Variants in HHIP observed in about 807,000 individuals in gnomAD.
The protein encoded by HHIP is hedgehog interacting protein, also known as hedgehog-interacting protein.
In HHIP, 12 loss-of-function variants were observed where a neutral mutation model predicts 74.0. The ratio of observed to expected loss-of-function variants is 0.16; its 90% CI spans 0.10 to 0.26. The LOEUF is 0.26. Ranked by LOEUF, HHIP falls within the 10% of genes least tolerant of loss-of-function variation. HHIP has a pLI of 1.00. For synonymous variants in HHIP, 309 were observed against 311.6 expected, an observed-to-expected ratio of 0.99 and a Z score of 0.09; for missense variants, 788 against 845.0, an observed-to-expected ratio of 0.93 and a Z score of 0.84.
chr4:144,702,800 A>C (rs1388636391), intron 4 of HHIP, among the ~76,000 whole-genome samples: 1 of 152,184 alleles, frequency 6.6e-6, no homozygotes, highest in East Asian at 1.9e-4. Flanking sequence ...TCCCAGAAGC[A>C]CAATATACAA....
intron 4 of HHIP, among the ~76,000 whole-genome samples, chr4:144,694,921 T>C (rs1198558644): frequency 6.6e-6 from 1 of 151,838 alleles, no homozygotes; most frequent in Non-Finnish European, 1.5e-5. Flanking sequence ...AATTAACTTT[T>C]GTTTTTATAA....
At chr4:144,684,056 C>T (rs987092640) in intron 4 of HHIP, among the ~76,000 whole-genome samples, 3 of 121,408 alleles carry the variant, frequency 2.5e-5, no homozygotes, top group Non-Finnish European at 3.9e-5. Context: ...GAGTGAGACT[C>T]CGTCTAAAAA....
chr4:144,722,565 C>G (rs182873443), intron 11 of HHIP, among the ~76,000 whole-genome samples: 16 of 152,196 alleles, frequency 1.1e-4, no homozygotes, highest in Admixed American at 5.2e-4. Flanking sequence ...TAAGAATGCT[C>G]AGTAGAGCCA....
intron 4 of HHIP, among the ~76,000 whole-genome samples, chr4:144,662,826 T>G (rs1417319310): frequency 6.6e-6 from 1 of 152,202 alleles, no homozygotes; most frequent in Non-Finnish European, 1.5e-5. Flanking sequence ...ACTGGGTGAT[T>G]TGAAATCTTT....
chr4:144,675,430 A>G (rs901757910), intron 4 of HHIP, among the ~76,000 whole-genome samples: 1 of 152,026 alleles, frequency 6.6e-6, no homozygotes, highest in African/African-American at 2.4e-5. Flanking sequence ...ATACAATGAA[A>G]TTATCAAACA....
intron 1 of HHIP, among the ~76,000 whole-genome samples, chr4:144,647,949 TG>T (rs1335065439): frequency 1.3e-5 from 2 of 151,946 alleles, no homozygotes; most frequent in African/African-American, 4.8e-5. Flanking sequence ...GAGAGACTCT[TG>T]GAAAACTTGT....
At chr4:144,732,789 A>T (rs543481419) in intron 11 of HHIP, among the ~76,000 whole-genome samples, 1 of 152,204 alleles carries the variant, frequency 6.6e-6, no homozygotes, top group Non-Finnish European at 1.5e-5. Context: ...TGCCTATAAC[A>T]TGTAATAGAT....
chr4:144,669,658 A>T (rs1444203962), intron 4 of HHIP, among the ~76,000 whole-genome samples: 1 of 152,216 alleles, frequency 6.6e-6, no homozygotes, highest in Non-Finnish European at 1.5e-5. Context: ...AATATGATCT[A>T]AACTAATTCC....
intron 2 of HHIP, 138 bp from the exon 3 acceptor site, chr4:144,658,652 T>C (rs1394013391): frequency 1.4e-5 from 9 of 662,182 alleles, no homozygotes; most frequent in Non-Finnish European, 2.0e-5. Flanking sequence ...TACAGGACTG[T>C]TTTTATTTCA....
rs2126587594 is a variant in HHIP, at chr4:144,658,895, C to T, written c.578C>T (p.Ser193Phe). The T allele has an allele frequency of 6.2e-7, 1 of 1,613,682 alleles. No individual in the cohort carries two copies. The highest frequency in any genetic ancestry group is 2.2e-5 in the East Asian group (1 of 44,854). ...AGAAAACAAGTCAGAGGACCAGCAT[C>T]TAACTACTTGGACCAGATGGAAGAA... ...FPRKQVRGPASNYLDQMEEYD... is the reference protein window; with the variant it reads ...FPRKQVRGPAFNYLDQMEEYD... Residue 193 changes from serine to phenylalanine, a missense_variant, in exon 3 of 13, where the codon TCT (serine) becomes TTT (phenylalanine). This residue lies in a region of HHIP where 373 missense variants were observed against 366.4 expected (regional missense o/e 1.02). Coordinates refer to ENST00000296575, the MANE Select transcript of HHIP (RefSeq NM_022475.3).
intron 4 of HHIP, among the ~76,000 whole-genome samples, chr4:144,682,379 G>A (rs187046394): frequency 6.6e-6 from 1 of 152,346 alleles, no homozygotes; most frequent in African/African-American, 2.4e-5. Context: ...GGGCCACATG[G>A]CACCACGTTT....
At chr4:144,682,996 G>C (rs1177530569) in intron 4 of HHIP, among the ~76,000 whole-genome samples, 1 of 152,194 alleles carries the variant, frequency 6.6e-6, no homozygotes, top group African/African-American at 2.4e-5. Context: ...TAAGCAAAGA[G>C]AGAAAGAAAG....
At chr4:144,715,602 C>T in intron 10 of HHIP, 172 bp downstream of exon 10, 1 of 445,354 alleles carries the variant, frequency 2.2e-6, no homozygotes, top group Non-Finnish European at 3.7e-6. Flanking sequence ...ATATTCTCTA[C>T]CAGTAACTTT....
At chr4:144,689,504 A>G (rs1729584740) in intron 4 of HHIP, among the ~76,000 whole-genome samples, 1 of 152,190 alleles carries the variant, frequency 6.6e-6, no homozygotes, top group Non-Finnish European at 1.5e-5. Flanking sequence ...TCTTTTACAT[A>G]TTTATCATCA....
intron 10 of HHIP, among the ~76,000 whole-genome samples, chr4:144,717,791 CCA>C (rs1166395343): frequency 1.3e-5 from 2 of 152,040 alleles, no homozygotes; most frequent in African/African-American, 4.8e-5. Context: ...CCCCTCTCCC[CCA>C]GTGTTTATTT....
intron 4 of HHIP, among the ~76,000 whole-genome samples, chr4:144,701,106 A>G (rs961447109): frequency 4.6e-5 from 7 of 152,238 alleles, no homozygotes; most frequent in African/African-American, 9.6e-5. Flanking sequence ...GCAAAAGTAT[A>G]TATCTTATAG....
chr4:144,684,432 T>G (rs1029908226), intron 4 of HHIP, among the ~76,000 whole-genome samples: 1 of 150,578 alleles, frequency 6.6e-6, no homozygotes, highest in African/African-American at 2.4e-5. Flanking sequence ...CTATTTTTTT[T>G]ATTTTTATTT....
intron 1 of HHIP, among the ~76,000 whole-genome samples, chr4:144,649,939 T>C (rs551288804): frequency 3.9e-5 from 6 of 152,292 alleles, no homozygotes; most frequent in Admixed American, 6.5e-5. Context: ...TCCAGCACTA[T>C]AGTTCAGAGA....
chr4:144,671,780 C>T (rs144171385), intron 4 of HHIP, among the ~76,000 whole-genome samples: 118 of 152,078 alleles, frequency 7.8e-4, no homozygotes, highest in African/African-American at 2.7e-3. Context: ...ATCAGGAGTT[C>T]GAGACCAGCC....
Sources: gnomAD v4.1 joint callset for allele counts (sites outside exome capture counted in the v4.1 genomes callset) on GRCh38, gnomAD v4.1.1 for gene constraint, gnomAD v4.1.1 regional missense constraint, MANE v1.5 for transcripts, NCBI Gene and HGNC (gene_info 2026-07-23, HGNC 2026-07-21) for gene names.